Variants in RAPGEF5 observed in about 807,000 individuals in gnomAD.
The protein encoded by RAPGEF5 is M-Ras-regulated GEF.
In RAPGEF5, 65 loss-of-function variants were observed where a neutral mutation model predicts 125.2. The observed-to-expected ratio is 0.52, with a 90% CI of 0.43 to 0.64. The LOEUF (loss-of-function observed/expected upper bound fraction) is 0.64, where lower values mean the gene tolerates loss of function less well. RAPGEF5 is among the 30% of genes least tolerant of loss of function. RAPGEF5 has a pLI of 0.00. For missense variants in RAPGEF5, 958 were observed against 1,048.1 expected, an observed-to-expected ratio of 0.91 and a Z score of 1.19; for synonymous variants, 391 against 385.9, an observed-to-expected ratio of 1.01 and a Z score of -0.16.
chr7:22,266,208 G>A (rs184882589), intron 7 of RAPGEF5, among the ~76,000 whole-genome samples: 17 of 151,982 alleles, frequency 1.1e-4, no homozygotes, highest in Admixed American at 5.9e-4. Flanking sequence ...TAGTCTTTTC[G>A]CCTGAAACGT....
intron 7 of RAPGEF5, among the ~76,000 whole-genome samples, chr7:22,243,195 C>T (rs1786384488): frequency 6.6e-6 from 1 of 152,138 alleles, no homozygotes; most frequent in Non-Finnish European, 1.5e-5. Flanking sequence ...TCTCATAAGA[C>T]TGTCAAATAA....
rs757967114 is a variant in RAPGEF5 at position 22,308,368 on chromosome 7, G to T, written c.651C>A (p.Leu217=). The change falls in exon 5 of 26, where the codon CTC becomes CTA. Residue 217 remains leucine, a synonymous_variant. Transcript: ENST00000665637. ...CACAGATGCCACCTCTGGCAGGAATGAGAGGCACAAGTTGCAGTAAAAGCT... is the reference window on the plus strand; with the variant it reads ...CACAGATGCCACCTCTGGCAGGAATTAGAGGCACAAGTTGCAGTAAAAGCT... ...GVKLLLQLVP[L]IPARGGICEL... is the part of the protein sequence containing the mutation. The T allele has an allele frequency of 1.1e-5, 17 of 1,589,758 alleles. No homozygotes were observed. In the South Asian group the frequency reaches 2.0e-4, roughly 18 times the overall value.
At chr7:22,309,607 G>C (rs1321630946) in intron 4 of RAPGEF5, among the ~76,000 whole-genome samples, 2 of 152,128 alleles carry the variant, frequency 1.3e-5, no homozygotes, top group Admixed American at 1.3e-4. Context: ...CATAAAATCA[G>C]TTTCTGATGA....
At chr7:22,273,453 T>C (rs1024375557) in intron 6 of RAPGEF5, among the ~76,000 whole-genome samples, 2 of 149,696 alleles carry the variant, frequency 1.3e-5, no homozygotes, top group Non-Finnish European at 3.0e-5. Flanking sequence ...CTCCTGACCT[T>C]GTGATCCGCC....
chr7:22,247,164 GT>G (rs1786498615), intron 7 of RAPGEF5, among the ~76,000 whole-genome samples: 1 of 152,236 alleles, frequency 6.6e-6, no homozygotes. Flanking sequence ...GTGGAAAGCA[GT>G]TTGAAGACTT....
chr7:22,167,972 G>C (rs7808688), intron 11 of RAPGEF5, among the ~76,000 whole-genome samples: 148,727 of 152,334 alleles, frequency 0.98, 72,612 homozygotes, highest in East Asian at 0.99. Context: ...CCACAACAGT[G>C]ATTATCTAGT....
intron 7 of RAPGEF5, among the ~76,000 whole-genome samples, chr7:22,259,730 GAA>G (rs35311422): frequency 3.7e-4 from 57 of 152,256 alleles, no homozygotes; most frequent in Non-Finnish European, 6.9e-4. Flanking sequence ...AAGCCAGTCT[GAA>G]AAGGCTACGT....
At chr7:22,148,282 T>A (rs571275020) in intron 18 of RAPGEF5, among the ~76,000 whole-genome samples, 5 of 152,330 alleles carry the variant, frequency 3.3e-5, no homozygotes, top group Non-Finnish European at 7.3e-5. Flanking sequence ...TCAGGATACT[T>A]CTACTTGGCT....
At chr7:22,348,902 C>A (rs146800535) in intron 1 of RAPGEF5, among the ~76,000 whole-genome samples, 159 of 152,130 alleles carry the variant, frequency 1.0e-3, no homozygotes, top group African/African-American at 3.8e-3. Context: ...GCCTGGCCAA[C>A]GTGGCAAAAC....
At chr7:22,166,071 TATATATGTATC>T (rs1230290456) in intron 12 of RAPGEF5, among the ~76,000 whole-genome samples, 1 of 145,014 alleles carries the variant, frequency 6.9e-6, no homozygotes, top group African/African-American at 2.6e-5. Flanking sequence ...ATTATATACA[TATATATGTATC>T]ATATATATAT....
At chr7:22,206,902 C>T (rs890152145) in intron 9 of RAPGEF5, among the ~76,000 whole-genome samples, 4 of 151,846 alleles carry the variant, frequency 2.6e-5, no homozygotes, top group African/African-American at 9.7e-5. Context: ...ACAAATATGA[C>T]AAAATTTTAT....
intron 7 of RAPGEF5, among the ~76,000 whole-genome samples, chr7:22,240,846 C>G (rs1027007195): frequency 1.7e-4 from 26 of 151,944 alleles, no homozygotes; most frequent in African/African-American, 6.3e-4. Flanking sequence ...CACAATTTCT[C>G]TCAGAAATTA....
intron 18 of RAPGEF5, among the ~76,000 whole-genome samples, chr7:22,150,025 C>T (rs1460637338): frequency 6.8e-6 from 1 of 147,512 alleles, no homozygotes; most frequent in African/African-American, 2.5e-5. Context: ...ATTTTTTTAA[C>T]ATTCATTATA....
intron 20 of RAPGEF5, 55 bp downstream of exon 20, chr7:22,144,988 CA>C: frequency 4.5e-6 from 7 of 1,543,548 alleles, no homozygotes. Context: ...GAAAGAAGAA[CA>C]ATGTACTCTC....
chr7:22,153,061 T>C (rs1222875485), intron 17 of RAPGEF5, among the ~76,000 whole-genome samples: 1 of 152,192 alleles, frequency 6.6e-6, no homozygotes, highest in East Asian at 1.9e-4. Flanking sequence ...GCTCATTAAT[T>C]GCCAGCTTCT....
At chr7:22,219,268 C>T (rs1465281666) in intron 9 of RAPGEF5, among the ~76,000 whole-genome samples, 5 of 152,028 alleles carry the variant, frequency 3.3e-5, no homozygotes, top group Non-Finnish European at 5.9e-5. Context: ...ATCTGAATAA[C>T]TGCTTTCAGG....
chr7:22,221,175 A>C (rs575288689), intron 8 of RAPGEF5, among the ~76,000 whole-genome samples: 5 of 152,324 alleles, frequency 3.3e-5, no homozygotes, highest in African/African-American at 9.6e-5. Context: ...CCAAAGTCAG[A>C]GATTTTTACA....
At chr7:22,269,056 G>A (rs923715688) in intron 6 of RAPGEF5, among the ~76,000 whole-genome samples, 1 of 151,560 alleles carries the variant, frequency 6.6e-6, no homozygotes, top group African/African-American at 2.4e-5. Context: ...AAATAAATGA[G>A]ATTACTGTAC....
chr7:22,154,416 C>A, intron 17 of RAPGEF5, 39 bp downstream of exon 17: 3 of 1,604,994 alleles, frequency 1.9e-6, no homozygotes, highest in Non-Finnish European at 2.6e-6. Context: ...TGAAGGAGAT[C>A]AGTGAAAGAT....
Sources: gnomAD v4.1 joint callset for allele counts (sites outside exome capture counted in the v4.1 genomes callset) on GRCh38, gnomAD v4.1.1 for gene constraint, MANE v1.5 for transcripts, NCBI Gene and HGNC (gene_info 2026-07-23, HGNC 2026-07-21) for gene names.